ZPBP: variants seen among roughly 807,000 people sequenced by gnomAD.
The protein encoded by ZPBP is zona pellucida-binding protein 1.
Under a neutral mutation model 44.8 loss-of-function variants are expected in ZPBP, and 26 were observed. The ratio of observed to expected loss-of-function variants is 0.58; its 90% CI spans 0.43 to 0.81. The LOEUF is 0.81. Among genes scored for constraint, ZPBP ranks in the 30% least tolerant of loss-of-function variants. The pLI, the probability that ZPBP is intolerant of heterozygous loss-of-function variation, is 0.00. For synonymous variants in ZPBP, 174 were observed against 153.2 expected (o/e 1.14, Z -1.00); for missense variants, 409 against 434.0 (o/e 0.94, Z 0.51).
chr7:49,912,248 A>G (rs1405483357), intron 1 of ZPBP: 13 of 1,562,772 alleles, frequency 8.3e-6, no homozygotes, highest in Non-Finnish European at 1.1e-5. Context: ...AACATTCTAG[A>G]TGACTCTGGG....
chr7:50,013,114 A>C (rs1314818850), intron 6 of ZPBP, among the ~76,000 whole-genome samples: 1 of 151,902 alleles, frequency 6.6e-6, no homozygotes, highest in African/African-American at 2.4e-5. Context: ...AAAGAAGATA[A>C]TTTTTTTCAA....
At chr7:49,975,920 G>A (rs1796492964) in intron 7 of ZPBP, among the ~76,000 whole-genome samples, 1 of 151,958 alleles carries the variant, frequency 6.6e-6, no homozygotes, top group East Asian at 1.9e-4. Flanking sequence ...TTCCAACTTG[G>A]CTTCTTTTGG....
intron 6 of ZPBP, among the ~76,000 whole-genome samples, chr7:50,012,850 G>C (rs916512882): frequency 1.3e-4 from 19 of 151,670 alleles, no homozygotes; most frequent in Non-Finnish European, 1.5e-5. Context: ...AAGTAACACT[G>C]TCTCTATTTG....
intron 6 of ZPBP, among the ~76,000 whole-genome samples, chr7:50,015,389 T>C (rs1000157808): frequency 1.3e-5 from 2 of 152,070 alleles, no homozygotes; most frequent in African/African-American, 2.4e-5. Flanking sequence ...TGAAATTTCA[T>C]CCCTTCATTT....
At position 49,867,840 on chromosome 7, in the gene ZPBP, A is replaced by T. The variant is rs1031548855; in HGVS notation, n.510-17326T>A. On this transcript the variant is annotated intron_variant and non_coding_transcript_variant, in intron 2 of 2. Transcript: ENST00000465922. ...TTTCTATTTTTTATTTTATTATTTTATTTTATTTTTTGAGGTGGAGTCTTG... is the reference window on the plus strand; with the variant it reads ...TTTCTATTTTTTATTTTATTATTTTTTTTTATTTTTTGAGGTGGAGTCTTG... Among the ~76,000 whole-genome samples the T allele has an allele frequency of 7.5e-3, 1,057 of 141,164 alleles. 3 individuals carry two copies. The highest frequency in any genetic ancestry group is 0.011 in the Non-Finnish European group (710 of 63,788). The allele number at this position is 141,164 out of a possible 152,430, so 92.6% of individuals were successfully genotyped here.
chr7:50,024,214 T>C (rs1483020959), intron 5 of ZPBP, among the ~76,000 whole-genome samples: 7 of 152,022 alleles, frequency 4.6e-5, no homozygotes, highest in Admixed American at 4.6e-4. Context: ...AGTAGGAATG[T>C]ATGTTGGTAC....
At chr7:49,976,167 A>G (rs1796506690) in intron 7 of ZPBP, among the ~76,000 whole-genome samples, 1 of 152,218 alleles carries the variant, frequency 6.6e-6, no homozygotes, top group Admixed American at 6.5e-5. Context: ...TTAGTTCTAC[A>G]TATTTTAAGC....
chr7:49,979,844 TATA>T (rs1796701582), intron 7 of ZPBP, among the ~76,000 whole-genome samples: 1 of 71,944 alleles, frequency 1.4e-5, no homozygotes, highest in African/African-American at 5.8e-5. Flanking sequence ...TATATATATA[TATA>T]AAATATATAT....
chr7:49,871,514 G>T (rs1030011775), intron 2 of ZPBP, among the ~76,000 whole-genome samples: 2 of 152,028 alleles, frequency 1.3e-5, no homozygotes, highest in African/African-American at 4.8e-5. Flanking sequence ...TGGCTTGGTG[G>T]GGTTTCCATT....
chr7:49,856,908 C>T (rs1790443162), intron 2 of ZPBP, among the ~76,000 whole-genome samples: 1 of 145,738 alleles, frequency 6.9e-6, no homozygotes, highest in Admixed American at 7.1e-5. Context: ...ACTCGGGAGG[C>T]TGAGGCAGGA....
Position 50,089,673 on chromosome 7 carries a change from AAGCGAAAAGCTCTTG to A in ZPBP, c.149_163del (p.Pro50_Arg54del). 1 of 1,611,794 alleles carries A rather than the reference AAGCGAAAAGCTCTTG, an allele frequency of 6.2e-7. No homozygotes were observed. The highest frequency in any genetic ancestry group is 8.5e-7 in the Non-Finnish European group (1 of 1,178,868). ...CACTATTTTCACTGAATCTTTGGTC[AAGCGAAAAGCTCTTG>A]GTAATCGAACCAAGTGTCCAACTAT... On this transcript the variant is annotated inframe_deletion, in exon 2 of 8. Transcript: ENST00000046087.
downstream of ZPBP, among the ~76,000 whole-genome samples, chr7:49,848,825 A>T (rs1457866825): frequency 6.6e-6 from 1 of 152,226 alleles, no homozygotes; most frequent in African/African-American, 2.4e-5. Flanking sequence ...ATACACTTTT[A>T]TAGTATAGTC....
intron 7 of ZPBP, among the ~76,000 whole-genome samples, chr7:49,950,309 C>T (rs1298214955): frequency 1.3e-5 from 2 of 151,816 alleles, no homozygotes; most frequent in African/African-American, 4.8e-5. Flanking sequence ...GATAGATTCT[C>T]AGTCTTGATA....
downstream of ZPBP, chr7:49,936,260 C>A (rs568132664): frequency 6.6e-6 from 1 of 152,030 alleles, no homozygotes; most frequent in Admixed American, 6.5e-5. Context: ...ATCTCTAAAC[C>A]GTATAAAAAC....
chr7:49,902,696 C>T (rs1318831948), intron 1 of ZPBP, among the ~76,000 whole-genome samples: 1 of 151,920 alleles, frequency 6.6e-6, no homozygotes, highest in Non-Finnish European at 1.5e-5. Context: ...GGACGTAGGG[C>T]TTCTTGATGA....
intron 7 of ZPBP, among the ~76,000 whole-genome samples, chr7:49,972,679 T>C (rs1796346659): frequency 6.6e-6 from 1 of 152,016 alleles, no homozygotes; most frequent in Non-Finnish European, 1.5e-5. Context: ...AGATTCAGTA[T>C]TGTCCCTATC....
intron 2 of ZPBP, among the ~76,000 whole-genome samples, chr7:50,082,168 A>G (rs1320891891): frequency 6.6e-6 from 1 of 151,854 alleles, no homozygotes; most frequent in Admixed American, 6.6e-5. Context: ...TTTCATTCAG[A>G]GCTCATATAC....
intron 2 of ZPBP, among the ~76,000 whole-genome samples, chr7:49,889,390 A>T (rs1002812887): frequency 6.6e-6 from 1 of 152,256 alleles, no homozygotes; most frequent in Non-Finnish European, 1.5e-5. Context: ...TCATGGCAAC[A>T]TTAGTGCTTT....
chr7:50,091,913 C>T (rs969681383), intron 1 of ZPBP, among the ~76,000 whole-genome samples: 5 of 152,198 alleles, frequency 3.3e-5, no homozygotes, highest in Admixed American at 1.3e-4. Context: ...CTGCCACTTA[C>T]TGGTTTTAGG....
Sources: allele counts gnomAD v4.1 joint callset (sites outside exome capture counted in the v4.1 genomes callset), GRCh38; gene constraint gnomAD v4.1.1; transcripts MANE v1.5; gene names NCBI Gene and HGNC (gene_info 2026-07-23, HGNC 2026-07-21).